Variants in SENP1 observed in about 807,000 individuals in gnomAD.
SENP1 encodes sentrin-specific protease 1.
Under a neutral mutation model 93.0 loss-of-function variants are expected in SENP1, and 21 were observed. The observed-to-expected ratio is 0.23, with a 90% CI of 0.16 to 0.33. The LOEUF (loss-of-function observed/expected upper bound fraction) is 0.33, where lower values mean the gene tolerates loss of function less well. Among genes scored for constraint, SENP1 ranks in the 10% least tolerant of loss-of-function variants. SENP1 has a pLI of 1.00. For missense variants in SENP1, 591 were observed against 758.7 expected (o/e 0.78, Z 2.60); for synonymous variants, 256 against 259.6 (o/e 0.99, Z 0.13).
At chr12:48,097,801 A>G (rs1945662560) in intron 3 of SENP1, 193 bp downstream of exon 3, 2 of 489,294 alleles carry the variant, frequency 4.1e-6, no homozygotes, top group African/African-American at 3.9e-5. Flanking sequence ...GAACTCATAC[A>G]TAGCCTATTT....
chr12:48,052,783 T>C (rs1009146502), intron 13 of SENP1, among the ~76,000 whole-genome samples: 1 of 152,194 alleles, frequency 6.6e-6, no homozygotes, highest in Non-Finnish European at 1.5e-5. Context: ...CCATGTGACC[T>C]TGCATAAATC....
chr12:48,102,452 A>G (rs1375857537), intron 1 of SENP1, among the ~76,000 whole-genome samples: 6 of 149,996 alleles, frequency 4.0e-5, no homozygotes, highest in Non-Finnish European at 8.9e-5. Context: ...AAAAAAAAAA[A>G]AACCAAACAC....
intron 3 of SENP1, among the ~76,000 whole-genome samples, chr12:48,097,087 G>A (rs1431874871): frequency 6.6e-6 from 1 of 152,082 alleles, no homozygotes; most frequent in Non-Finnish European, 1.5e-5. Context: ...GAAAAAAACA[G>A]GCAAAATATT....
At chr12:48,084,836 TTTC>T (rs1565791468) in intron 5 of SENP1, among the ~76,000 whole-genome samples, 2 of 152,224 alleles carry the variant, frequency 1.3e-5, no homozygotes, top group African/African-American at 4.8e-5. Context: ...CATTTTCTTT[TTTC>T]TTCAAGACTC....
At chr12:48,047,141 T>C in intron 15 of SENP1, 79 bp from the exon 16 acceptor site, 1 of 847,480 alleles carries the variant, frequency 1.2e-6, no homozygotes. Context: ...GGGCTGACAA[T>C]ACCTAGGAAC....
intron 8 of SENP1, among the ~76,000 whole-genome samples, chr12:48,073,421 A>T (rs527853707): frequency 3.7e-4 from 55 of 148,986 alleles, no homozygotes; most frequent in Non-Finnish European, 6.3e-4. Flanking sequence ...CAAATAGATT[A>T]AAAAAAAAAC....
At chr12:48,050,710 G>A (rs1018983180) in intron 13 of SENP1, among the ~76,000 whole-genome samples, 1 of 152,202 alleles carries the variant, frequency 6.6e-6, no homozygotes, top group African/African-American at 2.4e-5. Flanking sequence ...GTTTCCGAAG[G>A]CAGCCATAAA....
chr12:48,081,915 TTC>T (rs1346077828), intron 6 of SENP1, among the ~76,000 whole-genome samples: 1 of 146,864 alleles, frequency 6.8e-6, no homozygotes, highest in Non-Finnish European at 1.5e-5. Context: ...TTGAGACGGC[TTC>T]TCACTCTGTC....
At chr12:48,046,489 A>G (rs1280876551) in intron 16 of SENP1, 38 bp from the exon 17 acceptor site, 1 of 1,344,556 alleles carries the variant, frequency 7.4e-7, no homozygotes, top group East Asian at 2.3e-5. Context: ...CATCTTTCCA[A>G]GCTTCTTTCC....
At chr12:48,045,530 A>C in intron 17 of SENP1, 146 bp from the exon 18 acceptor site, 1 of 651,098 alleles carries the variant, frequency 1.5e-6, no homozygotes, top group Non-Finnish European at 2.6e-6. Context: ...TCTTGGTTAC[A>C]TGTAGTTTTT....
At chr12:48,059,610 C>T (rs1335560546) in intron 13 of SENP1, among the ~76,000 whole-genome samples, 2 of 152,058 alleles carry the variant, frequency 1.3e-5, no homozygotes, top group Admixed American at 1.3e-4. Flanking sequence ...TTGTACTTTC[C>T]CGCCTCATGT....
At chr12:48,090,853 C>T (rs1164908110) in intron 4 of SENP1, among the ~76,000 whole-genome samples, 1 of 152,124 alleles carries the variant, frequency 6.6e-6, no homozygotes, top group Non-Finnish European at 1.5e-5. Flanking sequence ...CCACCTGGGT[C>T]TCCCAACGGC....
intron 6 of SENP1, among the ~76,000 whole-genome samples, chr12:48,075,422 C>T (rs949448476): frequency 6.6e-6 from 1 of 152,090 alleles, no homozygotes; most frequent in African/African-American, 2.4e-5. Context: ...AAAAAAGGGC[C>T]TCTAAATTAG....
intron 14 of SENP1, 141 bp downstream of exon 14, chr12:48,048,784 GATCT>G (rs1941564795): frequency 2.7e-5 from 17 of 621,170 alleles, no homozygotes; most frequent in South Asian, 8.2e-5. Flanking sequence ...GAAGTTCATA[GATCT>G]ATCTGATTTT....
At chr12:48,093,774 G>A (rs1202559674) in intron 4 of SENP1, among the ~76,000 whole-genome samples, 3 of 151,172 alleles carry the variant, frequency 2.0e-5, no homozygotes, top group South Asian at 2.1e-4. Flanking sequence ...CTATTAGCCT[G>A]GACAACATGG....
chr12:48,069,584 C>G (rs762338536), intron 9 of SENP1, among the ~76,000 whole-genome samples: 2 of 152,202 alleles, frequency 1.3e-5, no homozygotes, highest in Admixed American at 1.3e-4. Context: ...AAGAAAGTTG[C>G]ATGCATCTTG....
At chr12:48,053,283 G>C (rs2136809718) in intron 13 of SENP1, among the ~76,000 whole-genome samples, 1 of 152,096 alleles carries the variant, frequency 6.6e-6, no homozygotes, top group Non-Finnish European at 1.5e-5. Context: ...AGACCAGGCT[G>C]GGCAATATAG....
chr12:48,063,924 C>T lies in SENP1; in HGVS notation c.1276-83G>A, dbSNP rs997199574. ...TTCTCACCAAACCCCATATAATCCT[C>T]AGACTATATTTATCACCATTCGATT... On this transcript the variant is annotated intron_variant, in intron 12 of 17. Coordinates refer to ENST00000549518, the MANE Select transcript of SENP1 (RefSeq NM_001267594.2). 4.8e-6 allele frequency: 6 copies of T among 1,239,204 alleles called. No homozygotes were observed. The African/African-American group carries it at 9.0e-5, about 19-fold the overall frequency. 76.8% of individuals were successfully genotyped at this position (1,239,204 alleles called of 1,614,324 possible). A position where few individuals can be genotyped will look rare whatever the true frequency, so the allele number is the denominator to read the frequency against.
At position 48,047,076 on chromosome 12, in the gene SENP1, G is replaced by A. The variant is rs368618206; in HGVS notation, c.1692-14C>T. ...TTTAGGTATTGCCTAAAGGTATCAGGAGAGAATGAGATAAGCAGTGGGGAA... is the reference window on the plus strand; with the variant it reads ...TTTAGGTATTGCCTAAAGGTATCAGAAGAGAATGAGATAAGCAGTGGGGAA... On this transcript the variant is annotated splice_polypyrimidine_tract_variant and intron_variant, in intron 15 of 17. Transcript: ENST00000549518. The A allele has an allele frequency of 1.9e-4, 290 of 1,553,044 alleles. 2 individuals are homozygous for A. The highest frequency in any genetic ancestry group is 1.3e-3 in the South Asian group (117 of 89,442).
Sources: gnomAD v4.1 joint callset for allele counts (sites outside exome capture counted in the v4.1 genomes callset) on GRCh38, gnomAD v4.1.1 for gene constraint, MANE v1.5 for transcripts, NCBI Gene and HGNC (gene_info 2026-07-23, HGNC 2026-07-21) for gene names.